The following KIF1A variants were observed in gnomAD, a reference collection of about 807,000 sequenced individuals.
KIF1A encodes kinesin family member 1A.
KIF1A carries 46 observed loss-of-function variants against 227.3 expected under a neutral mutation model. That is an observed-to-expected ratio of 0.20 (90% confidence interval 0.16 to 0.26). The LOEUF is 0.26. Ranked by LOEUF, KIF1A falls within the 10% of genes least tolerant of loss-of-function variation. KIF1A has a pLI of 1.00. For synonymous variants in KIF1A, 1,022 were observed against 1,012.8 expected (o/e 1.01, Z -0.17); for missense variants, 1,683 against 2,485.9 (o/e 0.68, Z 6.87).
intron 1 of KIF1A, among the ~76,000 whole-genome samples, chr2:240,808,144 GC>G: frequency 6.6e-6 from 1 of 152,232 alleles, no homozygotes; most frequent in East Asian, 1.9e-4. Context: ...AGAGGTTCTG[GC>G]CAAACCAGTA....
chr2:240,756,060 A>T (rs1332019595), intron 27 of KIF1A, among the ~76,000 whole-genome samples: 2 of 151,888 alleles, frequency 1.3e-5, no homozygotes, highest in East Asian at 3.9e-4. Flanking sequence ...GAATAAATCC[A>T]TGGCACCTGC....
At chr2:240,770,381 G>T (rs369777385) in intron 15 of KIF1A, among the ~76,000 whole-genome samples, 49 of 152,294 alleles carry the variant, frequency 3.2e-4, no homozygotes, top group South Asian at 1.0e-3. Context: ...TGTGAACACA[G>T]GATGGCCTGG....
At chr2:240,807,130 G>GTGTATATATATATATA (rs1356399506) in intron 1 of KIF1A, among the ~76,000 whole-genome samples, 1 of 119,450 alleles carries the variant, frequency 8.4e-6, no homozygotes, top group African/African-American at 3.0e-5. Flanking sequence ...GTGTGTGTGT[G>GTGTATATATATATATA]TATATATATA....
intron 6 of KIF1A, 121 bp downstream of exon 6, chr2:240,786,214 A>C: frequency 1.0e-6 from 1 of 972,420 alleles, no homozygotes; most frequent in East Asian, 2.6e-5. Flanking sequence ...AGGAGGCCAC[A>C]CCTCCGCGGG....
intron 1 of KIF1A, among the ~76,000 whole-genome samples, chr2:240,806,099 G>A (rs1367163748): frequency 6.6e-6 from 1 of 152,194 alleles, no homozygotes; most frequent in African/African-American, 2.4e-5. Flanking sequence ...GAGAGAAGGG[G>A]CACATACTAG....
chr2:240,722,187 G>A (rs1408707612), intron 43 of KIF1A, among the ~76,000 whole-genome samples: 1 of 152,230 alleles, frequency 6.6e-6, no homozygotes, highest in Non-Finnish European at 1.5e-5. Context: ...CCACTTGTGG[G>A]TGGAAGTGGT....
At chr2:240,798,115 C>A in intron 1 of KIF1A, 1 of 212,824 alleles carries the variant, frequency 4.7e-6, no homozygotes. Context: ...GCAAACCCCC[C>A]AGGAAGGGTC....
At chr2:240,734,993 A>G (rs1422898549) in intron 38 of KIF1A, among the ~76,000 whole-genome samples, 1 of 152,100 alleles carries the variant, frequency 6.6e-6, no homozygotes, top group Non-Finnish European at 1.5e-5. Flanking sequence ...GCGGCCTTGG[A>G]GCAGCCCGGC....
chr2:240,794,604 G>A (rs1024407740), intron 2 of KIF1A, among the ~76,000 whole-genome samples: 7 of 152,376 alleles, frequency 4.6e-5, no homozygotes, highest in Non-Finnish European at 8.8e-5. Flanking sequence ...GGGCATTTGG[G>A]CGGTTGCCCC....
rs372544960 is a variant in KIF1A at position 240,758,373 on chromosome 2, G to T, written c.2569C>A (p.Arg857=). The change falls in exon 26 of 49, where the codon CGG becomes AGG. Residue 857 remains arginine, a synonymous_variant. Transcript: ENST00000498729. The surrounding 1 kb of genome is among the most constrained non-coding windows in gnomAD (Gnocchi z 5.2). Reference sequence around the variant, plus strand: ...GGAGGCGCCCACCTGCCCACCAGCCGGAACCAGGGGAAGCGGTCATAGAAG... The same window carrying T: ...GGAGGCGCCCACCTGCCCACCAGCCTGAACCAGGGGAAGCGGTCATAGAAG... The part of the protein sequence containing the change: ...DPFYDRFPWF[R]LVGSSAISGC... 1 of 1,611,340 alleles carries T rather than the reference G, an allele frequency of 6.2e-7. No individual in the cohort carries two copies. The highest frequency in any genetic ancestry group is 1.1e-5 in the South Asian group (1 of 90,722).
chr2:240,770,946 C>T, intron 15 of KIF1A, 25 bp downstream of exon 15: 14 of 1,607,012 alleles, frequency 8.7e-6, no homozygotes, highest in Non-Finnish European at 1.2e-5. Context: ...GTCTGACACC[C>T]TGAAGCCCCA....
rs553559174 is a variant in KIF1A, at chr2:240,726,151, G to A, written c.4122+675C>T. ...GAAGGGAGGCCACAGCCCAGGTCTG[G>A]CCACGGCCTATGTACTGCAGACTCT... On this transcript the variant is annotated intron_variant, in intron 39 of 48. Coordinates refer to ENST00000498729, the MANE Select transcript of KIF1A (RefSeq NM_001244008.2). The surrounding 1 kb of genome is among the most constrained non-coding windows in gnomAD (Gnocchi z 5.2). Among the ~76,000 whole-genome samples the A allele has an allele frequency of 8.5e-5, 13 of 152,336 alleles. No homozygotes were observed. The highest frequency in any genetic ancestry group is 1.9e-4 in the Non-Finnish European group (13 of 68,032).
At chr2:240,756,597 G>A (rs549527684) in intron 27 of KIF1A, among the ~76,000 whole-genome samples, 35 of 152,362 alleles carry the variant, frequency 2.3e-4, no homozygotes, top group Admixed American at 6.5e-5. Flanking sequence ...GCCATCTCTG[G>A]CCATGACAAC....
rs141052770 is a variant in KIF1A at position 240,788,210 on chromosome 2, C to T, written c.204G>A (p.Ala68=). Reference sequence around the variant, plus strand: ...TGTCCCGGTACACCTGCTTCTGCGACGCGTAGTTGATGTCCTCAGGCTGGA... The same window carrying T: ...TGTCCCGGTACACCTGCTTCTGCGATGCGTAGTTGATGTCCTCAGGCTGGA... ...SHTSPEDINY[A]SQKQVYRDIG... The change falls in exon 4 of 49, where the codon GCG becomes GCA. Residue 68 remains alanine (A), a synonymous_variant. Coordinates refer to ENST00000498729, the MANE Select transcript of KIF1A (RefSeq NM_001244008.2). The surrounding 1 kb of genome is among the most constrained non-coding windows in gnomAD (Gnocchi z 6.6). 3.0e-5 allele frequency: 49 copies of T among 1,613,670 alleles called. No homozygotes were observed. The highest frequency in any genetic ancestry group is 1.7e-4 in the African/African-American group (13 of 74,930).
intron 1 of KIF1A, among the ~76,000 whole-genome samples, chr2:240,808,429 T>C (rs914476983): frequency 6.6e-6 from 1 of 151,888 alleles, no homozygotes; most frequent in Non-Finnish European, 1.5e-5. Context: ...GAGGCTGAGG[T>C]AGAAGGATTG....
chr2:240,786,272 C>T (rs1215921723), intron 6 of KIF1A, 63 bp downstream of exon 6: 1 of 1,519,172 alleles, frequency 6.6e-7, no homozygotes, highest in Non-Finnish European at 9.1e-7. Flanking sequence ...GGTGAAGGGG[C>T]TTCCTCCGGG....
intron 42 of KIF1A, 46 bp from the exon 43 acceptor site, chr2:240,722,702 C>T (rs2045551358): frequency 1.4e-6 from 2 of 1,424,184 alleles, no homozygotes; most frequent in African/African-American, 1.4e-5. Context: ...TCAGGGGTGA[C>T]CTCCGGAGTT....
rs1163378779 is a variant in KIF1A at position 240,780,142 on chromosome 2, C to T, written c.882+2448G>A. 3.9e-5 allele frequency among the ~76,000 whole-genome samples: 6 copies of T among 152,114 alleles called. 2 individuals are homozygous for T. On this transcript the variant is annotated intron_variant, in intron 10 of 48. Transcript: ENST00000498729. ...GTCCTCCACATTTCCACAGATCCCC[C>T]GAGTCCCTGACGCAGCGTTCACACG...
chr2:240,719,257 C>T lies in KIF1A; in HGVS notation c.5022-59G>A. 2.6e-6 allele frequency: 4 copies of T among 1,539,920 alleles called. No individual in the cohort carries two copies. The South Asian group carries it at 4.8e-5, about 19-fold the overall frequency. On this transcript the variant is annotated intron_variant, in intron 46 of 48. Transcript: ENST00000498729. Reference sequence around the variant, plus strand: ...CGGTGGGGGCAGCGACTGACTCGGGCACTCACCATCTACCACCCAGAGCTG... The same window carrying T: ...CGGTGGGGGCAGCGACTGACTCGGGTACTCACCATCTACCACCCAGAGCTG...
Sources: allele counts gnomAD v4.1 joint callset (sites outside exome capture counted in the v4.1 genomes callset), GRCh38; gene constraint gnomAD v4.1.1; non-coding constraint Gnocchi (gnomAD v3.1); transcripts MANE v1.5; gene names NCBI Gene and HGNC (gene_info 2026-07-23, HGNC 2026-07-21).